SAP30BP: variants seen among roughly 807,000 people sequenced by gnomAD.
SAP30BP encodes SAP30 binding protein.
A neutral mutation model predicts 46.3 loss-of-function variants in SAP30BP; 31 were observed. The ratio of observed to expected loss-of-function variants is 0.67; its 90% CI spans 0.50 to 0.90. The LOEUF (loss-of-function observed/expected upper bound fraction) is 0.90, where lower values mean the gene tolerates loss of function less well. Among genes scored for constraint, SAP30BP ranks in the 40% least tolerant of loss-of-function variants. The pLI is 0.00. For synonymous variants in SAP30BP, 169 were observed against 144.2 expected (o/e 1.17, Z -1.23); for missense variants, 312 against 391.0 (o/e 0.80, Z 1.70).
At chr17:75,694,515 T>A (rs2060285979) in intron 4 of SAP30BP, among the ~76,000 whole-genome samples, 1 of 152,240 alleles carries the variant, frequency 6.6e-6, no homozygotes, top group South Asian at 2.1e-4. Flanking sequence ...AAACCAAGAT[T>A]TTCCTAAAAC....
chr17:75,689,361 C>T (rs139733861), intron 3 of SAP30BP, among the ~76,000 whole-genome samples: 5 of 152,148 alleles, frequency 3.3e-5, no homozygotes, highest in East Asian at 3.9e-4. Context: ...AAGTGATCTG[C>T]GCACCTCAGC....
intron 3 of SAP30BP, among the ~76,000 whole-genome samples, chr17:75,681,346 G>C (rs575509482): frequency 2.6e-5 from 4 of 152,144 alleles, no homozygotes; most frequent in African/African-American, 9.7e-5. Flanking sequence ...GGCCCAGCCG[G>C]GTGAGTGGTT....
intron 3 of SAP30BP, among the ~76,000 whole-genome samples, chr17:75,682,153 A>G (rs946486481): frequency 2.0e-5 from 3 of 152,024 alleles, no homozygotes; most frequent in African/African-American, 7.2e-5. Context: ...AAAGGAAAAA[A>G]AATCACCTAA....
rs1458169715 is a variant in SAP30BP at position 75,668,537 on chromosome 17, C to T, written c.128C>T (p.Ser43Phe). Residue 43 changes from serine (S) to phenylalanine (F), a missense_variant, in exon 2 of 11, where the codon TCT (serine) becomes TTT (phenylalanine). By Grantham distance (155) the Ser-to-Phe change is radical. This residue lies in a region of SAP30BP where 296 missense variants were observed against 346.6 expected (regional missense o/e 0.85). Transcript: ENST00000584667. ...SAAEEKGGLV[S>F]DAYGEDDFSR... ...TCAGAGGAGAAAGGCGGATTGGTAT[C>T]TGATGCCTATGGGGAGGATGACTTT... The T allele has an allele frequency of 1.9e-6, 3 of 1,575,884 alleles. No homozygotes were observed. Among genetic ancestry groups the T allele is most frequent in the Admixed American group, 3.9e-5 (2 of 51,128 alleles).
At chr17:75,698,046 A>G (rs1017013006) in intron 4 of SAP30BP, among the ~76,000 whole-genome samples, 16 of 152,208 alleles carry the variant, frequency 1.1e-4, no homozygotes, top group African/African-American at 3.9e-4. Context: ...CTCTTTGCTC[A>G]TTGTATGATC....
In SAP30BP at chr17:75,703,670, C is replaced by T. The variant is rs543433732; in HGVS notation, c.550-138C>T. The T allele has an allele frequency of 1.7e-3, 1,389 of 807,898 alleles. 3 individuals carry two copies. The highest frequency in any genetic ancestry group is 2.3e-3 in the Admixed American group (115 of 50,362). 50.0% of individuals were successfully genotyped at this position (807,898 alleles called of 1,614,324 possible). On this transcript the variant is annotated intron_variant, in intron 7 of 10. Coordinates refer to ENST00000584667, the MANE Select transcript of SAP30BP (RefSeq NM_013260.8). ...GTTCTTCAGCACTTGCCAGCCGCCC[C>T]TTGGCTAAAGACCAAAGATGACAGC...
intron 3 of SAP30BP, among the ~76,000 whole-genome samples, chr17:75,690,924 C>T (rs2060232399): frequency 6.6e-6 from 1 of 152,222 alleles, no homozygotes; most frequent in Non-Finnish European, 1.5e-5. Flanking sequence ...TCCTCCTGAG[C>T]GTGCACGCTT....
At chr17:75,691,720 A>ATGG in intron 3 of SAP30BP, 1 of 339,968 alleles carries the variant, frequency 2.9e-6, no homozygotes, top group South Asian at 2.3e-5. Flanking sequence ...GAGTTAACGA[A>ATGG]TGGTCAGTCC....
At chr17:75,695,601 C>T (rs992118961) in intron 4 of SAP30BP, among the ~76,000 whole-genome samples, 2 of 152,178 alleles carry the variant, frequency 1.3e-5, no homozygotes, top group African/African-American at 4.8e-5. Context: ...GTTCCTCTTA[C>T]TGAAGACGTA....
chr17:75,680,823 AC>A (rs2148386231), intron 3 of SAP30BP, among the ~76,000 whole-genome samples: 1 of 152,300 alleles, frequency 6.6e-6, no homozygotes, highest in Admixed American at 6.5e-5. Context: ...TTGCTTGAGC[AC>A]AGGAGTTTGA....
chr17:75,668,738 G>A lies in SAP30BP; in HGVS notation c.216+113G>A, dbSNP rs561114681. 29 of 679,082 alleles carry A rather than the reference G, an allele frequency of 4.3e-5. No individual in the cohort carries two copies. The South Asian group carries it at 4.4e-4, about 10-fold the overall frequency. The allele number at this position is 679,082 out of a possible 1,614,324, so 42.1% of individuals were successfully genotyped here. A position where few individuals can be genotyped will look rare whatever the true frequency, so the allele number is the denominator to read the frequency against. On this transcript the variant is annotated intron_variant, in intron 2 of 10. Transcript: ENST00000584667. Reference sequence around the variant, plus strand: ...GGTTAGCTCCATCCCTTGCTCTCCCGTTTTGTTTTAGTATTAGTGGAAGAA... The same window carrying A: ...GGTTAGCTCCATCCCTTGCTCTCCCATTTTGTTTTAGTATTAGTGGAAGAA...
intron 3 of SAP30BP, among the ~76,000 whole-genome samples, chr17:75,680,136 G>A (rs1406204319): frequency 1.3e-5 from 2 of 151,968 alleles, no homozygotes. Context: ...TGGGATCGCC[G>A]GCCTCCCTGA....
chr17:75,697,307 G>A (rs1437989225), intron 4 of SAP30BP, among the ~76,000 whole-genome samples: 3 of 152,142 alleles, frequency 2.0e-5, no homozygotes, highest in Non-Finnish European at 4.4e-5. Flanking sequence ...GTTGCTGCTT[G>A]TGAGATAGGA....
Position 75,706,030 on chromosome 17 carries a change from A to G in SAP30BP, c.683A>G (p.Lys228Arg). Residue 228 changes from lysine to arginine, a missense_variant, in exon 10 of 11, where the codon AAA becomes AGA. Physicochemically the swap from Lys to Arg is conservative, Grantham distance 26. Transcript: ENST00000584667. The surrounding 1 kb of genome is among the most constrained non-coding windows in gnomAD (Gnocchi z 4.6). The stretch of plus-strand genomic sequence containing the variant: ...CAGATTGAGTTTGTGACGGGCACCA[A>G]AAAAGGCACCACGACCAACGCCACG... ...RTKIEFVTGTKKGTTTNATST... is the reference protein window; with the variant it reads ...RTKIEFVTGTRKGTTTNATST... The G allele has an allele frequency of 3.7e-6, 6 of 1,613,756 alleles. No homozygotes were observed. The highest frequency in any genetic ancestry group is 4.2e-6 in the Non-Finnish European group (5 of 1,180,014).
rs752358977 is a variant in SAP30BP, at chr17:75,703,387, G to A, written c.549+16G>A. The stretch of plus-strand genomic sequence containing the variant: ...CTACCCAAAGGTGCGTCTGGCACAC[G>A]GGGCTGGAGGGTGATGGGGACACCC... On this transcript the variant is annotated intron_variant, in intron 7 of 10. Transcript: ENST00000584667. 2.5e-6 allele frequency: 4 copies of A among 1,611,866 alleles called. No individual in the cohort carries two copies. Among genetic ancestry groups the A allele is most frequent in the African/African-American group, 1.3e-5 (1 of 74,918 alleles).
At chr17:75,692,578 G>A in intron 3 of SAP30BP, 2 of 906,012 alleles carry the variant, frequency 2.2e-6, no homozygotes, top group Non-Finnish European at 2.6e-6. Flanking sequence ...GGGAAGACTT[G>A]TGACGGAGGG....
chr17:75,682,977 A>C (rs1482924856), intron 3 of SAP30BP, among the ~76,000 whole-genome samples: 2 of 151,440 alleles, frequency 1.3e-5, no homozygotes, highest in African/African-American at 4.8e-5. Context: ...AAAAAAAAAA[A>C]AAGAATTGTA....
At chr17:75,702,195 T>C (rs1244581131) in intron 5 of SAP30BP, among the ~76,000 whole-genome samples, 1 of 152,074 alleles carries the variant, frequency 6.6e-6, no homozygotes, top group East Asian at 1.9e-4. Flanking sequence ...GCTAATTTTG[T>C]TTGTATTTTT....
intron 3 of SAP30BP, among the ~76,000 whole-genome samples, chr17:75,683,384 CA>C (rs2060113434): frequency 6.6e-6 from 1 of 151,794 alleles, no homozygotes; most frequent in African/African-American, 2.4e-5. Flanking sequence ...TTAAATATTC[CA>C]AATGGAGATT....
Sources: allele counts gnomAD v4.1 joint callset (sites outside exome capture counted in the v4.1 genomes callset), GRCh38; gene constraint gnomAD v4.1.1; regional missense constraint gnomAD v4.1.1; non-coding constraint Gnocchi (gnomAD v3.1); transcripts MANE v1.5; gene names NCBI Gene and HGNC (gene_info 2026-07-23, HGNC 2026-07-21).